LEMD3: variants seen among roughly 807,000 people sequenced by gnomAD.
LEMD3 encodes the protein LEM domain containing 3.
LEMD3 carries 33 observed loss-of-function variants against 95.2 expected under a neutral mutation model. That is an observed-to-expected ratio of 0.35 (90% CI 0.26 to 0.46). The LOEUF (loss-of-function observed/expected upper bound fraction) is 0.46. Ranked by LOEUF, LEMD3 falls within the 20% of genes least tolerant of loss-of-function variation. The pLI is 1.00. For missense variants in LEMD3, 1,210 were observed against 1,192.8 expected, an observed-to-expected ratio of 1.01 and a Z score of -0.21; for synonymous variants, 525 against 474.6, an observed-to-expected ratio of 1.11 and a Z score of -1.38.
At chr12:65,227,055 A>C (rs1299803170) in intron 4 of LEMD3, among the ~76,000 whole-genome samples, 2 of 152,150 alleles carry the variant, frequency 1.3e-5, no homozygotes, top group East Asian at 3.9e-4. Flanking sequence ...ATTCAAAAAG[A>C]TCTTGACTAA....
At chr12:65,234,028 G>C (rs1870705413) in intron 4 of LEMD3, among the ~76,000 whole-genome samples, 2 of 152,126 alleles carry the variant, frequency 1.3e-5, no homozygotes, top group South Asian at 4.1e-4. Flanking sequence ...ATAAACAATA[G>C]TAATAAAAGT....
intron 1 of LEMD3, among the ~76,000 whole-genome samples, chr12:65,201,632 A>G (rs1389372380): frequency 2.6e-5 from 4 of 152,288 alleles, no homozygotes; most frequent in Non-Finnish European, 4.4e-5. Flanking sequence ...ACTTTTGTCT[A>G]TTAACCTTGC....
chr12:65,208,933 T>C (rs149485935), intron 1 of LEMD3, among the ~76,000 whole-genome samples: 1 of 152,180 alleles, frequency 6.6e-6, no homozygotes, highest in East Asian at 1.9e-4. Flanking sequence ...TTCAGCAAAA[T>C]TGTTTTCCCC....
chr12:65,211,535 A>G (rs1869938772), intron 2 of LEMD3, among the ~76,000 whole-genome samples: 1 of 152,214 alleles, frequency 6.6e-6, no homozygotes, highest in Non-Finnish European at 1.5e-5. Flanking sequence ...GGGACTTCAG[A>G]GATTAAGATG....
chr12:65,205,622 A>C (rs74101727), intron 1 of LEMD3, among the ~76,000 whole-genome samples: 5,283 of 152,222 alleles, frequency 0.035, 307 homozygotes, highest in African/African-American at 0.12. Flanking sequence ...TTTGCCTCTC[A>C]AACAAGGACA....
At chr12:65,198,059 G>A (rs1257625695) in intron 1 of LEMD3, among the ~76,000 whole-genome samples, 2 of 152,020 alleles carry the variant, frequency 1.3e-5, no homozygotes, top group Non-Finnish European at 2.9e-5. Context: ...TCCAAATGAT[G>A]TGCACATTTG....
At chr12:65,225,077 TG>T (rs1870407287) in intron 4 of LEMD3, among the ~76,000 whole-genome samples, 1 of 152,158 alleles carries the variant, frequency 6.6e-6, no homozygotes, top group South Asian at 2.1e-4. Context: ...CCAAAATTTC[TG>T]GGTTTTAAAA....
chr12:65,244,126 G>T (rs1221208886), intron 10 of LEMD3, among the ~76,000 whole-genome samples: 1 of 152,116 alleles, frequency 6.6e-6, no homozygotes, highest in Non-Finnish European at 1.5e-5. Context: ...TGTTTTAAAA[G>T]TCCCAACAGT....
rs751089938 is a variant in LEMD3, at chr12:65,239,914, A to G, written c.1922-15A>G. ...GACCACAATTTTTAAAATACAAAGT[A>G]TATTAATATTACAGGTGTAGTGATG... On this transcript the variant is annotated splice_polypyrimidine_tract_variant and intron_variant, in intron 6 of 12. Transcript: ENST00000308330. 11 of 1,522,476 alleles carry G rather than the reference A, an allele frequency of 7.2e-6. No individual in the cohort carries two copies. In the Middle Eastern group the frequency reaches 8.8e-4, roughly 122 times the overall value. The allele number at this position is 1,522,476 out of a possible 1,614,324, so 94.3% of individuals were successfully genotyped here.
At chr12:65,239,828 C>A in intron 6 of LEMD3, 101 bp from the exon 7 acceptor site, 2 of 785,796 alleles carry the variant, frequency 2.5e-6, no homozygotes, top group South Asian at 1.5e-5. Context: ...AGCCATCTGT[C>A]TTGAAGGTTC....
intron 2 of LEMD3, among the ~76,000 whole-genome samples, chr12:65,213,531 A>G (rs1343769469): frequency 2.0e-5 from 3 of 152,106 alleles, no homozygotes; most frequent in African/African-American, 7.2e-5. Context: ...GGCCTTAAAT[A>G]AATTTTCATT....
chr12:65,188,894 G>A (rs1869149460), intron 1 of LEMD3, among the ~76,000 whole-genome samples: 1 of 152,102 alleles, frequency 6.6e-6, no homozygotes. Flanking sequence ...AGAATACAGT[G>A]CACCAGGGAG....
At chr12:65,191,420 G>C (rs1869235865) in intron 1 of LEMD3, among the ~76,000 whole-genome samples, 1 of 151,990 alleles carries the variant, frequency 6.6e-6, no homozygotes, top group Non-Finnish European at 1.5e-5. Context: ...AGATTTGTAG[G>C]AATTTCATAC....
rs566061185 is a variant in LEMD3, at chr12:65,173,894, GCA to G, written c.1522+2780_1522+2781del. The stretch of plus-strand genomic sequence containing the variant: ...AGTGCCTGCTAACTTCAGTTAGTCT[GCA>G]CACCTAACAGTGTTAGGGTATCAAG... On this transcript the variant is annotated intron_variant, in intron 1 of 12. Coordinates refer to ENST00000308330, the MANE Select transcript of LEMD3 (RefSeq NM_014319.5). Among the ~76,000 whole-genome samples, 187 of 152,234 alleles carry G rather than the reference GCA, an allele frequency of 1.2e-3. 2 individuals are homozygous for G. Among genetic ancestry groups the G allele is most frequent in the African/African-American group, 4.4e-3 (183 of 41,538 alleles).
intron 4 of LEMD3, among the ~76,000 whole-genome samples, chr12:65,221,941 C>T (rs987740539): frequency 1.3e-5 from 2 of 151,860 alleles, no homozygotes; most frequent in African/African-American, 4.8e-5. Context: ...TGGGGTTTCA[C>T]CATGTTGGCC....
chr12:65,195,284 T>A (rs61507061), intron 1 of LEMD3, among the ~76,000 whole-genome samples: 1 of 152,152 alleles, frequency 6.6e-6, no homozygotes, highest in East Asian at 1.9e-4. Flanking sequence ...TCGAAAAATA[T>A]CACAAAAATG....
intron 1 of LEMD3, among the ~76,000 whole-genome samples, chr12:65,184,045 A>C (rs1321593878): frequency 6.6e-6 from 1 of 152,180 alleles, no homozygotes; most frequent in African/African-American, 2.4e-5. Flanking sequence ...TGGATGAAGA[A>C]GTTTTCTAAG....
Position 65,205,203 on chromosome 12 carries a change from A to G in LEMD3, c.1523-5723A>G, listed in dbSNP as rs555799166. On this transcript the variant is annotated intron_variant, in intron 1 of 12. Coordinates refer to ENST00000308330, the MANE Select transcript of LEMD3 (RefSeq NM_014319.5). ...TGGGGGAAACTGCCTCCATGATCCA[A>G]TCACCTCCCACCAGGTCCCTCCCTC... 7.2e-5 allele frequency among the ~76,000 whole-genome samples: 11 copies of G among 152,152 alleles called. No homozygotes were observed. The East Asian group carries it at 2.1e-3, about 29-fold the overall frequency.
intron 1 of LEMD3, among the ~76,000 whole-genome samples, chr12:65,177,858 A>G (rs916022894): frequency 2.0e-5 from 3 of 149,126 alleles, no homozygotes; most frequent in East Asian, 1.9e-4. Context: ...TTTTTTTTCA[A>G]TATGAGACAG....
Sources: allele counts gnomAD v4.1 joint callset (sites outside exome capture counted in the v4.1 genomes callset), GRCh38; gene constraint gnomAD v4.1.1; transcripts MANE v1.5; gene names NCBI Gene and HGNC (gene_info 2026-07-23, HGNC 2026-07-21).